PPIP5K1: variants seen among roughly 807,000 people sequenced by gnomAD.
The protein encoded by PPIP5K1 is inositol hexakisphosphate and diphosphoinositol-pentakisphosphate kinase 1.
A neutral mutation model predicts 27.7 loss-of-function variants in PPIP5K1; 6 were observed. That is an observed-to-expected ratio of 0.22 (90% confidence interval 0.12 to 0.43). The LOEUF is 0.43. PPIP5K1 is among the 20% of genes least tolerant of loss of function. The pLI is 1.00. For missense variants in PPIP5K1, 394 were observed against 635.4 expected, an observed-to-expected ratio of 0.62 and a Z score of 4.08; for synonymous variants, 145 against 242.6, an observed-to-expected ratio of 0.60 and a Z score of 3.74.
At chr15:43,547,663 T>C (rs904937361) in intron 30 of PPIP5K1, among the ~76,000 whole-genome samples, 9 of 152,232 alleles carry the variant, frequency 5.9e-5, no homozygotes, top group Admixed American at 1.3e-4. Context: ...CAACTGGCCA[T>C]AGATGTTTAA....
chr15:43,552,540 A>AAG (rs2082347247), intron 30 of PPIP5K1, among the ~76,000 whole-genome samples: 1 of 147,718 alleles, frequency 6.8e-6, no homozygotes, highest in African/African-American at 2.5e-5. Flanking sequence ...AAAAAAAAAA[A>AAG]AAAAAGAAAA....
intron 30 of PPIP5K1, among the ~76,000 whole-genome samples, chr15:43,555,992 A>C (rs1033174603): frequency 6.6e-6 from 1 of 152,204 alleles, no homozygotes; most frequent in African/African-American, 2.4e-5. Context: ...TCAACACTAA[A>C]TAAATAAATA....
rs1370963277 is a variant in PPIP5K1, at chr15:43,533,851, CTAA to C, written c.*820_*822del. ...GAGGAGGCCCACTTTCACAGACTGG[CTAA>C]GAATCCTCTAGAGCATTTTAAGTAG... On this transcript the variant is annotated 3_prime_UTR_variant, in exon 32 of 32. Coordinates refer to ENST00000420765, the MANE Select transcript of PPIP5K1 (RefSeq NM_001394395.1). The C allele has an allele frequency of 1.3e-5, 2 of 152,176 alleles. No homozygotes were observed. Among genetic ancestry groups the C allele is most frequent in the African/African-American group, 4.8e-5 (2 of 41,424 alleles). 9.4% of individuals were successfully genotyped at this position (152,176 alleles called of 1,614,324 possible).
chr15:43,565,448 A>G (rs1450337425), intron 26 of PPIP5K1, among the ~76,000 whole-genome samples: 12 of 101,774 alleles, frequency 1.2e-4, no homozygotes, highest in Non-Finnish European at 1.9e-4. Context: ...CTATATTCTG[A>G]ACACTCAGCT....
rs1191831713 is a variant in PPIP5K1, at chr15:43,549,042, AAAAAAAAAAAAAAAATATATAT to A, written c.3557-9481_3557-9460del. On this transcript the variant is annotated intron_variant, in intron 30 of 31. Transcript: ENST00000420765. ...GACTCCATCTCAAAAAAAAAAAAAA[AAAAAAAAAAAAAAAATATATAT>A]ATATATATATATATATACATATATA... Among the ~76,000 whole-genome samples the A allele has an allele frequency of 6.6e-3, 601 of 91,646 alleles. 10 individuals are homozygous for A. Among genetic ancestry groups the A allele is most frequent in the Middle Eastern group, 0.037 (8 of 218 alleles). 60.1% of individuals were successfully genotyped at this position (91,646 alleles called of 152,430 possible).
intron 30 of PPIP5K1, among the ~76,000 whole-genome samples, chr15:43,551,793 C>T (rs1202263961): frequency 2.7e-5 from 4 of 150,902 alleles, no homozygotes; most frequent in Non-Finnish European, 4.4e-5. Flanking sequence ...TTAGTAGAGA[C>T]GGGGTTTCAC....
chr15:43,545,236 T>C (rs750331849), intron 30 of PPIP5K1, among the ~76,000 whole-genome samples: 1 of 151,520 alleles, frequency 6.6e-6, no homozygotes, highest in Non-Finnish European at 1.5e-5. Flanking sequence ...TTCTGTGAGA[T>C]ACTACAAAAT....
chr15:43,552,318 A>G (rs1023857489), intron 30 of PPIP5K1, among the ~76,000 whole-genome samples: 2 of 152,098 alleles, frequency 1.3e-5, no homozygotes, highest in Non-Finnish European at 2.9e-5. Context: ...ATTTTGCTGC[A>G]TCCCATACCA....
intron 30 of PPIP5K1, among the ~76,000 whole-genome samples, chr15:43,541,015 C>T (rs2080623376): frequency 1.3e-5 from 2 of 152,116 alleles, no homozygotes; most frequent in Non-Finnish European, 2.9e-5. Context: ...CAATTATTCC[C>T]CCAAATGTCT....
intron 31 of PPIP5K1, 75 bp from the exon 32 acceptor site, chr15:43,535,551 G>A: frequency 8.1e-7 from 1 of 1,239,464 alleles, no homozygotes; most frequent in Non-Finnish European, 1.1e-6. Flanking sequence ...TAGTTCAAAT[G>A]CTAGAATTGT....
chr15:43,548,984 C>T (rs540649560), intron 30 of PPIP5K1, among the ~76,000 whole-genome samples: 5 of 132,172 alleles, frequency 3.8e-5, no homozygotes, highest in East Asian at 2.3e-4. Flanking sequence ...GTGGACATTG[C>T]GCCACTGCAC....
At chr15:43,554,880 C>T (rs186145131) in intron 30 of PPIP5K1, among the ~76,000 whole-genome samples, 28 of 151,588 alleles carry the variant, frequency 1.8e-4, no homozygotes, top group Admixed American at 5.3e-4. Flanking sequence ...TTGCCATCTA[C>T]GCTGGAGGCC....
At chr15:43,548,247 C>T (rs1050085317) in intron 30 of PPIP5K1, among the ~76,000 whole-genome samples, 11 of 151,644 alleles carry the variant, frequency 7.3e-5, no homozygotes, top group African/African-American at 1.5e-4. Flanking sequence ...TACAGGCACC[C>T]GCCACTGTGC....
chr15:43,542,647 AGT>A (rs56361192), intron 30 of PPIP5K1, among the ~76,000 whole-genome samples: 11,176 of 121,040 alleles, frequency 0.092, 434 homozygotes, highest in African/African-American at 0.11. Flanking sequence ...ATATATATTC[AGT>A]GTGTGTGTGT....
rs751512931 is a variant in PPIP5K1, at chr15:43,558,785, A to C, written c.3556+10T>G. 87 of 1,613,474 alleles carry C rather than the reference A, an allele frequency of 5.4e-5. No individual in the cohort carries two copies. In the South Asian group the frequency reaches 8.8e-4, roughly 16 times the overall value. On this transcript the variant is annotated intron_variant, in intron 30 of 31. Coordinates refer to ENST00000420765, the MANE Select transcript of PPIP5K1 (RefSeq NM_001394395.1). ...CAGAGAGAAGGGTAAAAAAATAAGAATATCCCTACCTGCAGATGCCTGTGC... is the reference window on the plus strand; with the variant it reads ...CAGAGAGAAGGGTAAAAAAATAAGACTATCCCTACCTGCAGATGCCTGTGC...
At chr15:43,552,899 T>C (rs1176097901) in intron 30 of PPIP5K1, among the ~76,000 whole-genome samples, 1 of 151,906 alleles carries the variant, frequency 6.6e-6, no homozygotes, top group Non-Finnish European at 1.5e-5. Flanking sequence ...AAAAATTAGT[T>C]GGGGATGGTG....
intron 10 of PPIP5K1, among the ~76,000 whole-genome samples, chr15:43,579,598 CGTGTGT>C (rs1168161790): frequency 2.5e-3 from 74 of 29,736 alleles, no homozygotes; most frequent in South Asian, 4.2e-3. Context: ...TATATGTGTA[CGTGTGT>C]GTGTGTGTGT....
intron 31 of PPIP5K1, 25 bp downstream of exon 31, chr15:43,539,445 A>G: frequency 6.8e-7 from 1 of 1,471,536 alleles, no homozygotes; most frequent in South Asian, 1.2e-5. Flanking sequence ...ACTTTTGTCT[A>G]GGCAGTTCCA....
intron 30 of PPIP5K1, among the ~76,000 whole-genome samples, chr15:43,558,427 C>G (rs899789694): frequency 1.3e-5 from 2 of 152,100 alleles, no homozygotes; most frequent in African/African-American, 4.8e-5. Context: ...AGGGTTTCAC[C>G]ATATTGGCCA....
Sources: allele counts gnomAD v4.1 joint callset (sites outside exome capture counted in the v4.1 genomes callset), GRCh38; gene constraint gnomAD v4.1.1; transcripts MANE v1.5; gene names NCBI Gene and HGNC (gene_info 2026-07-23, HGNC 2026-07-21).